Variants in GPALPP1 observed in about 807,000 individuals in gnomAD.
The protein encoded by GPALPP1 is GPALPP motifs-containing protein 1.
A neutral mutation model predicts 38.9 loss-of-function variants in GPALPP1; 30 were observed. The ratio of observed to expected loss-of-function variants is 0.77; its 90% CI spans 0.58 to 1.05. The LOEUF (loss-of-function observed/expected upper bound fraction) is 1.05, where lower values mean the gene tolerates loss of function less well. Ranked by LOEUF, GPALPP1 falls within the 50% of genes least tolerant of loss-of-function variation. The pLI is 0.00. For missense variants in GPALPP1, 384 were observed against 408.8 expected (o/e 0.94, Z 0.52); for synonymous variants, 120 against 139.2 (o/e 0.86, Z 0.97).
chr13:45,012,175 C>A lies in GPALPP1; in HGVS notation c.409-2777C>A, dbSNP rs535763121. Among the ~76,000 whole-genome samples, 262 of 152,260 alleles carry A rather than the reference C, an allele frequency of 1.7e-3. 3 individuals carry two copies. Among genetic ancestry groups the A allele is most frequent in the Non-Finnish European group, 2.5e-3 (172 of 68,022 alleles). ...AGAGGAGATTGAATTGAGCACCATGCATAAAACCTGCAGCCTCAAAGTTCT... is the reference window on the plus strand; with the variant it reads ...AGAGGAGATTGAATTGAGCACCATGAATAAAACCTGCAGCCTCAAAGTTCT... On this transcript the variant is annotated intron_variant, in intron 4 of 7. Coordinates refer to ENST00000379151, the MANE Select transcript of GPALPP1 (RefSeq NM_018559.5).
In GPALPP1 at chr13:45,028,001, TA is replaced by T; in HGVS notation, c.1023del (p.Ter341=). ...ACACGGCAAAGGCAATATGTTTTTA[TA>T]AGTAAGTATATTTCAGTGAGGTATA... is the stretch of plus-strand genomic sequence containing the variant. ...FSHGKGNMFL* is the reference protein window; with the variant it reads ...FSHGKGNMFLX On this transcript the variant is annotated frameshift_variant and stop_lost, in exon 8 of 8. Transcript: ENST00000379151. LOFTEE classifies it high-confidence loss of function. 7 of 1,515,854 alleles carry T rather than the reference TA, an allele frequency of 4.6e-6. No individual in the cohort carries two copies. The highest frequency in any genetic ancestry group is 6.4e-6 in the Non-Finnish European group (7 of 1,092,278). The allele number at this position is 1,515,854 out of a possible 1,614,324, so 93.9% of individuals were successfully genotyped here.
rs1876101200 is a variant in GPALPP1, at chr13:45,029,847, G to A, written c.*1844G>A. The A allele has an allele frequency of 6.6e-6, 1 of 152,134 alleles. No homozygotes were observed. Among genetic ancestry groups the A allele is most frequent in the South Asian group, 2.1e-4 (1 of 4,824 alleles). The allele number at this position is 152,134 out of a possible 1,614,324, so 9.4% of individuals were successfully genotyped here. A position where few individuals can be genotyped will look rare whatever the true frequency, so the allele number is the denominator to read the frequency against. On this transcript the variant is annotated 3_prime_UTR_variant, in exon 8 of 8. Coordinates refer to ENST00000379151, the MANE Select transcript of GPALPP1 (RefSeq NM_018559.5). ...TCTCTGGGTTATCTCATGTGCTAAGGAAAAACTATTTTGCTTTTTCCAACT... is the reference window on the plus strand; with the variant it reads ...TCTCTGGGTTATCTCATGTGCTAAGAAAAAACTATTTTGCTTTTTCCAACT...
At chr13:45,030,591 C>G (rs1217158619), downstream of GPALPP1, 1 of 151,908 alleles carries the variant, frequency 6.6e-6, no homozygotes, top group African/African-American at 2.4e-5. Flanking sequence ...ATATATTGTT[C>G]CAGGCTGGTC....
chr13:45,032,947 G>T (rs1043403226), downstream of GPALPP1, among the ~76,000 whole-genome samples: 14 of 151,382 alleles, frequency 9.2e-5, no homozygotes, highest in African/African-American at 3.4e-4. Context: ...TGAGGCAGAA[G>T]AATTGCTTGA....
downstream of GPALPP1, among the ~76,000 whole-genome samples, chr13:45,032,917 G>A (rs1393813979): frequency 1.3e-5 from 2 of 151,368 alleles, no homozygotes; most frequent in African/African-American, 4.8e-5. Context: ...TGCGCCTGTA[G>A]TCCCAGCTAC....
At chr13:45,007,082 G>A (rs2137974401) in intron 3 of GPALPP1, among the ~76,000 whole-genome samples, 1 of 151,698 alleles carries the variant, frequency 6.6e-6, no homozygotes, top group South Asian at 2.1e-4. Context: ...AGATATACAG[G>A]GATAGGCAAT....
chr13:44,999,251 G>A (rs2137958573), intron 1 of GPALPP1, among the ~76,000 whole-genome samples: 1 of 152,156 alleles, frequency 6.6e-6, no homozygotes, highest in Middle Eastern at 3.4e-3. Flanking sequence ...AGATTTTTAT[G>A]TATTATACTG....
chr13:45,024,262 CTGTGTGTGTGTG>C (rs34572145), intron 7 of GPALPP1, among the ~76,000 whole-genome samples: 15 of 24,256 alleles, frequency 6.2e-4, no homozygotes, highest in South Asian at 1.7e-3. Flanking sequence ...CCCTAAAACT[CTGTGTGTGTGTG>C]TGTGTGTGTG....
At chr13:45,021,076 A>T (rs1445354048) in intron 7 of GPALPP1, among the ~76,000 whole-genome samples, 1 of 152,228 alleles carries the variant, frequency 6.6e-6, no homozygotes, top group African/African-American at 2.4e-5. Context: ...AACAGTCAGT[A>T]TTCATTTGGC....
chr13:45,000,890 A>G (rs1490746389), intron 1 of GPALPP1, among the ~76,000 whole-genome samples: 1 of 152,138 alleles, frequency 6.6e-6, no homozygotes, highest in East Asian at 1.9e-4. Flanking sequence ...CATGCCTTAG[A>G]GTTATTCTTT....
At chr13:44,995,299 A>T (rs1449808047) in intron 1 of GPALPP1, among the ~76,000 whole-genome samples, 1 of 151,604 alleles carries the variant, frequency 6.6e-6, no homozygotes, top group African/African-American at 2.4e-5. Context: ...TCTTCAATTA[A>T]ACCTTCAGGT....
intron 1 of GPALPP1, among the ~76,000 whole-genome samples, chr13:44,990,584 C>G (rs1170743111): frequency 6.6e-6 from 1 of 152,142 alleles, no homozygotes; most frequent in South Asian, 2.1e-4. Context: ...ATATACGAAA[C>G]GAATGCTTCT....
In GPALPP1 at chr13:45,017,310, A is replaced by G. The variant is rs1566081062; in HGVS notation, c.705+1714A>G. ...CTGCCTGCATATTGGGCAACATTAT[A>G]CATAATTTCTTTTTTGTCCTAAGAT... On this transcript the variant is annotated intron_variant, in intron 6 of 7. Coordinates refer to ENST00000379151, the MANE Select transcript of GPALPP1 (RefSeq NM_018559.5). Among the ~76,000 whole-genome samples the G allele has an allele frequency of 3.3e-5, 5 of 152,198 alleles. No individual in the cohort carries two copies. The South Asian group carries it at 1.0e-3, about 32-fold the overall frequency.
rs1876078804 is a variant in GPALPP1 at position 45,029,495 on chromosome 13, G to A, written c.*1492G>A. The A allele has an allele frequency of 6.6e-6, 1 of 152,098 alleles. No homozygotes were observed. The highest frequency in any genetic ancestry group is 1.5e-5 in the Non-Finnish European group (1 of 68,018). 9.4% of individuals were successfully genotyped at this position (152,098 alleles called of 1,614,324 possible). A position where few individuals can be genotyped will look rare whatever the true frequency, so the allele number is the denominator to read the frequency against. ...GCTTTTCTTCAAATAATTATTTTAA[G>A]AGGCTTCCATTCCCCCTGATTTTTG... On this transcript the variant is annotated 3_prime_UTR_variant, in exon 8 of 8. Coordinates refer to ENST00000379151, the MANE Select transcript of GPALPP1 (RefSeq NM_018559.5).
intron 2 of GPALPP1, among the ~76,000 whole-genome samples, chr13:45,005,645 T>C (rs1348687232): frequency 6.6e-6 from 1 of 152,186 alleles, no homozygotes; most frequent in African/African-American, 2.4e-5. Context: ...ACAGAAAATA[T>C]AGAATAGTGA....
chr13:45,004,282 G>T, intron 1 of GPALPP1, 23 bp from the exon 2 acceptor site: 1 of 1,604,118 alleles, frequency 6.2e-7, no homozygotes, highest in South Asian at 1.1e-5. Context: ...GGCTAGTGAT[G>T]ACAAACAACA....
intron 7 of GPALPP1, among the ~76,000 whole-genome samples, chr13:45,026,482 G>C (rs1875840850): frequency 6.6e-6 from 1 of 152,058 alleles, no homozygotes; most frequent in South Asian, 2.1e-4. Context: ...ATGACACTCT[G>C]AATTCTGATC....
chr13:45,020,133 G>A (rs1243396052), intron 6 of GPALPP1, among the ~76,000 whole-genome samples, 197 bp from the exon 7 acceptor site: 1 of 151,822 alleles, frequency 6.6e-6, no homozygotes, highest in Non-Finnish European at 1.5e-5. Context: ...CACCCGCCTT[G>A]GCCTCCCAAA....
rs771121202 is a variant in GPALPP1 at position 45,027,885 on chromosome 13, A to C, written c.905A>C (p.Asp302Ala). 1.2e-6 allele frequency: 2 copies of C among 1,607,332 alleles called. No homozygotes were observed. The highest frequency in any genetic ancestry group is 1.7e-6 in the Non-Finnish European group (2 of 1,173,952). Reference sequence around the variant, plus strand: ...AAGCCTCAAGAGAGAATACCATTTGACCGTGATAAAGATCTCAAGGTTAAT... The same window carrying C: ...AAGCCTCAAGAGAGAATACCATTTGCCCGTGATAAAGATCTCAAGGTTAAT... Reference protein sequence around the residue: ...KNKPQERIPFDRDKDLKVNRF... With the variant: ...KNKPQERIPFARDKDLKVNRF... Residue 302 changes from aspartate to alanine, a missense_variant, in exon 8 of 8, where the codon GAC becomes GCC. Asp to Ala is a moderately radical substitution (Grantham distance 126). Coordinates refer to ENST00000379151, the MANE Select transcript of GPALPP1 (RefSeq NM_018559.5).
Sources: gnomAD v4.1 joint callset for allele counts (sites outside exome capture counted in the v4.1 genomes callset) on GRCh38, gnomAD v4.1.1 for gene constraint, MANE v1.5 for transcripts, NCBI Gene and HGNC (gene_info 2026-07-23, HGNC 2026-07-21) for gene names.